SLCO4C1: variants seen among roughly 807,000 people sequenced by gnomAD.
SLCO4C1 encodes the protein organic anion transporter M1.
In SLCO4C1, 58 loss-of-function variants were observed where a neutral mutation model predicts 72.1. That is an observed-to-expected ratio of 0.80 (90% CI 0.65 to 1.00). The LOEUF (loss-of-function observed/expected upper bound fraction) is 1.00. Among genes scored for constraint, SLCO4C1 ranks in the 50% least tolerant of loss-of-function variants. The pLI, the probability that SLCO4C1 is intolerant of heterozygous loss-of-function variation, is 0.00. For missense variants in SLCO4C1, 898 were observed against 857.9 expected (o/e 1.05, Z -0.58); for synonymous variants, 297 against 312.5 (o/e 0.95, Z 0.52).
Position 102,260,220 on chromosome 5 carries a change from G to A in SLCO4C1, c.1121C>T (p.Ala374Val), listed in dbSNP as rs1263630007. ...AGAAGAATTTTATTTTACCTTTAGA[G>A]CAGCTGGAAAATCTTTAATACTTTT... ...FGKSIKDFPAALKNLMKNAVF... is the reference protein window; with the variant it reads ...FGKSIKDFPAVLKNLMKNAVF... Residue 374 changes from alanine to valine, a missense_variant, in exon 6 of 13, where the codon GCT becomes GTT. Physicochemically the swap from Ala to Val is moderately conservative, Grantham distance 64 (BLOSUM62 0). Transcript: ENST00000310954. 4 of 1,327,660 alleles carry A rather than the reference G, an allele frequency of 3.0e-6. No individual in the cohort carries two copies. The highest frequency in any genetic ancestry group is 4.0e-6 in the Non-Finnish European group (4 of 1,007,110). The allele number at this position is 1,327,660 out of a possible 1,614,324, so 82.2% of individuals were successfully genotyped here.
chr5:102,276,254 T>A (rs1200112510), intron 2 of SLCO4C1, among the ~76,000 whole-genome samples: 1 of 152,166 alleles, frequency 6.6e-6, no homozygotes, highest in African/African-American at 2.4e-5. Flanking sequence ...ACTTTTATCT[T>A]CATCTGAATT....
At chr5:102,249,858 TTA>T in intron 8 of SLCO4C1, 70 bp from the exon 9 acceptor site, 1 of 1,480,080 alleles carries the variant, frequency 6.8e-7, no homozygotes, top group Admixed American at 2.0e-5. Flanking sequence ...CGAAGCACTG[TTA>T]TATCTTACCA....
intron 8 of SLCO4C1, among the ~76,000 whole-genome samples, chr5:102,254,352 C>A (rs1409969456): frequency 6.6e-6 from 1 of 152,124 alleles, no homozygotes; most frequent in Non-Finnish European, 1.5e-5. Flanking sequence ...TCCCAGAGTA[C>A]ACGATCAGTT....
chr5:102,280,114 A>G lies in SLCO4C1; in HGVS notation c.620-9308T>C, dbSNP rs919650305. On this transcript the variant is annotated intron_variant, in intron 2 of 12. Transcript: ENST00000310954. ...GCAAAAAAAAAAAAAAAAAAAAAAA[A>G]AAGAGAAAGAAAATTAGTGCCATAC... 3.4e-3 allele frequency among the ~76,000 whole-genome samples: 484 copies of G among 142,984 alleles called. 6 individuals carry two copies. Among genetic ancestry groups the G allele is most frequent in the African/African-American group, 0.013 (465 of 35,378 alleles). The allele number at this position is 142,984 out of a possible 152,430, so 93.8% of individuals were successfully genotyped here.
Position 102,247,282 on chromosome 5 carries a change from G to T in SLCO4C1, c.1781C>A (p.Ala594Asp). 5 of 1,574,162 alleles carry T rather than the reference G, an allele frequency of 3.2e-6. No homozygotes were observed. Among genetic ancestry groups the T allele is most frequent in the Non-Finnish European group, 3.5e-6 (4 of 1,152,322 alleles). ...FFIVIIFTFM[A>D]GTPITVSILR... ...GATAGACACAGTTATAGGAGTACCG[G>T]CCATAAAGGTAAAAATAATTACAAT... The change falls in exon 10 of 13, where the codon GCC (alanine) becomes GAC (aspartate). Residue 594 changes from alanine to aspartate, a missense_variant. Coordinates refer to ENST00000310954, the MANE Select transcript of SLCO4C1 (RefSeq NM_180991.5).
intron 2 of SLCO4C1, among the ~76,000 whole-genome samples, chr5:102,279,299 T>C (rs1048607998): frequency 1.3e-5 from 2 of 152,052 alleles, no homozygotes; most frequent in Admixed American, 1.3e-4. Flanking sequence ...AAACGAAGTA[T>C]AAGGTTGGTG....
chr5:102,273,914 A>C (rs1749198744), intron 2 of SLCO4C1, among the ~76,000 whole-genome samples: 1 of 152,176 alleles, frequency 6.6e-6, no homozygotes. Context: ...GACCAAATAC[A>C]GTTAGCCCTC....
chr5:102,255,317 T>A (rs1748814669), intron 8 of SLCO4C1, among the ~76,000 whole-genome samples: 2 of 152,172 alleles, frequency 1.3e-5, no homozygotes, highest in Admixed American at 1.3e-4. Context: ...TGGTAGTAAC[T>A]ATTATTTAAG....
chr5:102,260,882 C>T (rs1465996835), intron 5 of SLCO4C1, among the ~76,000 whole-genome samples: 1 of 152,034 alleles, frequency 6.6e-6, no homozygotes, highest in African/African-American at 2.4e-5. Flanking sequence ...ATGAATGGCT[C>T]AGGGTAGAAA....
intron 1 of SLCO4C1, among the ~76,000 whole-genome samples, chr5:102,293,370 T>C (rs1043434786): frequency 6.6e-6 from 1 of 152,118 alleles, no homozygotes; most frequent in African/African-American, 2.4e-5. Context: ...TCAGGAAGGA[T>C]AGCACATTAA....
At chr5:102,247,807 T>A (rs1748662302) in intron 9 of SLCO4C1, among the ~76,000 whole-genome samples, 1 of 152,026 alleles carries the variant, frequency 6.6e-6, no homozygotes, top group Admixed American at 6.6e-5. Context: ...TCCTTCCATA[T>A]CCTTTATCCT....
intron 10 of SLCO4C1, among the ~76,000 whole-genome samples, chr5:102,241,180 C>T (rs183653654): frequency 7.2e-5 from 11 of 152,138 alleles, no homozygotes; most frequent in African/African-American, 2.6e-4. Flanking sequence ...TACCTGAAAG[C>T]CTTTCCTCTA....
chr5:102,238,974 A>G (rs187389745), intron 12 of SLCO4C1, among the ~76,000 whole-genome samples: 1 of 152,220 alleles, frequency 6.6e-6, no homozygotes, highest in African/African-American at 2.4e-5. Context: ...AAAATGTTTG[A>G]GATAAGTTAT....
intron 10 of SLCO4C1, among the ~76,000 whole-genome samples, chr5:102,245,843 C>T (rs375163069): frequency 9.2e-5 from 14 of 152,246 alleles, no homozygotes; most frequent in African/African-American, 3.4e-4. Context: ...TATCAGTCAT[C>T]TTCCCTGACC....
At position 102,296,268 on chromosome 5, in the gene SLCO4C1, G is replaced by A. The variant is rs1446635872; in HGVS notation, c.-6C>T. The A allele has an allele frequency of 1.3e-6, 2 of 1,520,630 alleles. No homozygotes were observed. Among genetic ancestry groups the A allele is most frequent in the Non-Finnish European group, 8.8e-7 (1 of 1,134,966 alleles). 94.2% of individuals were successfully genotyped at this position (1,520,630 alleles called of 1,614,324 possible). A position where few individuals can be genotyped will look rare whatever the true frequency, so the allele number is the denominator to read the frequency against. The stretch of plus-strand genomic sequence containing the variant: ...ATACCTTTGGCGCTCTTCATGTCTG[G>A]ATGGGTTCTCCCGACTCCGGTGCTT... On this transcript the variant is annotated 5_prime_UTR_variant, in exon 1 of 13. Transcript: ENST00000310954.
intron 9 of SLCO4C1, among the ~76,000 whole-genome samples, chr5:102,248,533 C>T (rs1192674806): frequency 6.6e-6 from 1 of 151,954 alleles, no homozygotes; most frequent in African/African-American, 2.4e-5. Flanking sequence ...GTGTTGTTCC[C>T]TTGTGCAGGA....
intron 8 of SLCO4C1, among the ~76,000 whole-genome samples, chr5:102,253,610 C>G (rs1748780936): frequency 6.6e-6 from 1 of 152,002 alleles, no homozygotes; most frequent in South Asian, 2.1e-4. Context: ...AGTTCAAGAT[C>G]AGCCTGGTCA....
intron 5 of SLCO4C1, among the ~76,000 whole-genome samples, chr5:102,261,590 C>G (rs10067254): frequency 0.13 from 19,467 of 151,222 alleles, 1,525 homozygotes; most frequent in African/African-American, 0.2. Context: ...TAACTGAATA[C>G]AAACTAACAG....
chr5:102,294,273 T>C (rs1314025244), intron 1 of SLCO4C1, among the ~76,000 whole-genome samples: 1 of 152,144 alleles, frequency 6.6e-6, no homozygotes, highest in East Asian at 1.9e-4. Context: ...ATCCAAGTTC[T>C]GACCTCAACT....
Sources: gnomAD v4.1 joint callset for allele counts (sites outside exome capture counted in the v4.1 genomes callset) on GRCh38, gnomAD v4.1.1 for gene constraint, MANE v1.5 for transcripts, NCBI Gene and HGNC (gene_info 2026-07-23, HGNC 2026-07-21) for gene names.